UBE2D3: variants seen among roughly 807,000 people sequenced by gnomAD.
The protein encoded by UBE2D3 is ubiquitin-conjugating enzyme E2 D3.
A neutral mutation model predicts 22.8 loss-of-function variants in UBE2D3; 2 were observed. That is an observed-to-expected ratio of 0.09 (90% confidence interval 0.04 to 0.28). The LOEUF (loss-of-function observed/expected upper bound fraction) is 0.28, where lower values mean the gene tolerates loss of function less well. UBE2D3 is among the 10% of genes least tolerant of loss of function. The probability of loss-of-function intolerance (pLI) is 1.00; values close to 1 mark genes in which losing one functional copy is unlikely to be tolerated. For synonymous variants in UBE2D3, 56 were observed against 60.4 expected, an observed-to-expected ratio of 0.93 and a Z score of 0.34; for missense variants, 27 against 182.5, an observed-to-expected ratio of 0.15 and a Z score of 4.91.
intron 2 of UBE2D3, among the ~76,000 whole-genome samples, chr4:102,823,819 A>C (rs1325931655): frequency 6.6e-6 from 1 of 152,252 alleles, no homozygotes; most frequent in Non-Finnish European, 1.5e-5. Context: ...AGCTCGATCA[A>C]ATGGACTAAA....
rs961868735 is a variant in UBE2D3 at position 102,794,636 on chromosome 4, T to C, written c.*2779A>G. ...AGCATGATCAGTACCTTAAGTATAC[T>C]TCAACTAAGCCATTTCAACAAACAA... On this transcript the variant is annotated 3_prime_UTR_variant, in exon 8 of 8. Transcript: ENST00000453744. The C allele has an allele frequency of 6.8e-6, 1 of 148,046 alleles. No individual in the cohort carries two copies. Among genetic ancestry groups the C allele is most frequent in the African/African-American group, 2.6e-5 (1 of 39,214 alleles). The allele number at this position is 148,046 out of a possible 1,614,324, so 9.2% of individuals were successfully genotyped here. A position where few individuals can be genotyped will look rare whatever the true frequency, so the allele number is the denominator to read the frequency against.
intron 4 of UBE2D3, 46 bp from the exon 5 acceptor site, chr4:102,802,684 C>T (rs1006200792): frequency 4.9e-6 from 7 of 1,417,618 alleles, no homozygotes; most frequent in Non-Finnish European, 6.8e-6. Flanking sequence ...AATATTATTG[C>T]TAAATATTCC....
chr4:102,868,577 G>A (rs1733290502), intron 1 of UBE2D3: 5 of 1,022,662 alleles, frequency 4.9e-6, no homozygotes, highest in Admixed American at 1.8e-5. Flanking sequence ...TTTGGGTGAA[G>A]GAGTAAAATT....
chr4:102,866,183 G>A (rs530698427), intron 1 of UBE2D3, among the ~76,000 whole-genome samples: 3 of 152,214 alleles, frequency 2.0e-5, no homozygotes, highest in South Asian at 2.1e-4. Context: ...TTACACATTC[G>A]CATAGCTCAT....
chr4:102,859,542 A>AT (rs1732780270), intron 1 of UBE2D3, among the ~76,000 whole-genome samples: 1 of 151,932 alleles, frequency 6.6e-6, no homozygotes, highest in African/African-American at 2.4e-5. Context: ...TTCTTTGGGA[A>AT]TTGTGGATCT....
chr4:102,812,787 T>G, intron 2 of UBE2D3: 1 of 152,218 alleles, frequency 6.6e-6, no homozygotes, highest in Non-Finnish European at 1.5e-5. Flanking sequence ...AGTGTTTTTG[T>G]CTTATTAAAA....
chr4:102,855,492 C>T (rs1732576344), intron 1 of UBE2D3, among the ~76,000 whole-genome samples: 1 of 152,334 alleles, frequency 6.6e-6, no homozygotes, highest in African/African-American at 2.4e-5. Context: ...TCATAGTTCA[C>T]TTCATGCAGC....
chr4:102,857,994 T>C (rs1313956321), intron 1 of UBE2D3, among the ~76,000 whole-genome samples: 5 of 151,954 alleles, frequency 3.3e-5, no homozygotes, highest in Non-Finnish European at 7.4e-5. Flanking sequence ...GCCCGGCCTG[T>C]ATTTTCTTAA....
chr4:102,798,430 ACT>A (rs1256709837), intron 7 of UBE2D3, among the ~76,000 whole-genome samples: 4 of 151,582 alleles, frequency 2.6e-5, no homozygotes, highest in Admixed American at 2.0e-4. Flanking sequence ...TCCTAAGGAT[ACT>A]CTCTCAAAAA....
chr4:102,851,651 TTTTG>T (rs1732356573), intron 1 of UBE2D3, among the ~76,000 whole-genome samples: 1 of 143,192 alleles, frequency 7.0e-6, no homozygotes, highest in African/African-American at 2.7e-5. Context: ...CCCCATTTTT[TTTTG>T]TTTTGTTTTG....
At chr4:102,847,512 C>T (rs1313729577) in intron 1 of UBE2D3, among the ~76,000 whole-genome samples, 1 of 152,130 alleles carries the variant, frequency 6.6e-6, no homozygotes, top group African/African-American at 2.4e-5. Context: ...GTCTTGAACT[C>T]CTGGCCTCAA....
upstream of UBE2D3, among the ~76,000 whole-genome samples, chr4:102,828,935 C>G (rs1358570827): frequency 2.0e-5 from 3 of 152,126 alleles, no homozygotes; most frequent in Non-Finnish European, 4.4e-5. Context: ...CCCCAGTTAC[C>G]GAAGTGGAGA....
chr4:102,868,794 G>C, exon 1 of UBE2D3: 1 of 1,613,442 alleles, frequency 6.2e-7, no homozygotes, highest in South Asian at 1.1e-5. Context: ...CTGGTCTCCA[G>C]CATCTACAGA....
At chr4:102,814,457 C>CTTTTTTTTT (rs574701413) in intron 2 of UBE2D3, among the ~76,000 whole-genome samples, 1 of 119,138 alleles carries the variant, frequency 8.4e-6, no homozygotes, top group Non-Finnish European at 1.7e-5. Context: ...CCTGGCTATT[C>CTTTTTTTTT]TTTTTTTTTT....
Position 102,802,546 on chromosome 4 carries a change from A to G in UBE2D3, c.198+15T>C. 2 of 1,590,176 alleles carry G rather than the reference A, an allele frequency of 1.3e-6. No homozygotes were observed. Among genetic ancestry groups the G allele is most frequent in the East Asian group, 2.2e-5 (1 of 44,554 alleles). ...CATAAATCTATACTAACAGATTTTG[A>G]GGGAAAATACTTGCCTTAGGTGGTT... On this transcript the variant is annotated intron_variant, in intron 5 of 7. Coordinates refer to ENST00000453744, the MANE Select transcript of UBE2D3 (RefSeq NM_181891.3).
chr4:102,804,005 G>C (rs993317481), intron 4 of UBE2D3, among the ~76,000 whole-genome samples: 5 of 152,112 alleles, frequency 3.3e-5, no homozygotes, highest in Non-Finnish European at 7.4e-5. Context: ...TCCTGACCTT[G>C]TGATCCACCC....
At chr4:102,857,668 CAT>C (rs1294852884) in intron 1 of UBE2D3, among the ~76,000 whole-genome samples, 1 of 152,030 alleles carries the variant, frequency 6.6e-6, no homozygotes, top group African/African-American at 2.4e-5. Context: ...ATTTCTGTAA[CAT>C]GTATATATAT....
intron 4 of UBE2D3, among the ~76,000 whole-genome samples, chr4:102,803,109 A>G (rs183592561): frequency 1.2e-4 from 18 of 152,356 alleles, no homozygotes; most frequent in Admixed American, 2.6e-4. Flanking sequence ...AGAGGAGAAC[A>G]GAGAAAAGCC....
intron 1 of UBE2D3, among the ~76,000 whole-genome samples, chr4:102,846,490 CAT>C (rs1732047140): frequency 6.6e-6 from 1 of 152,186 alleles, no homozygotes; most frequent in Non-Finnish European, 1.5e-5. Context: ...AATGTATTCT[CAT>C]ATATGCTGTC....
Sources: allele counts gnomAD v4.1 joint callset (sites outside exome capture counted in the v4.1 genomes callset), GRCh38; gene constraint gnomAD v4.1.1; transcripts MANE v1.5; gene names NCBI Gene and HGNC (gene_info 2026-07-23, HGNC 2026-07-21).